FOXN3: variants seen among roughly 807,000 people sequenced by gnomAD.
FOXN3 encodes forkhead box N3, also known as forkhead box protein N3.
Under a neutral mutation model 38.4 loss-of-function variants are expected in FOXN3, and 7 were observed. The ratio of observed to expected loss-of-function variants is 0.18; its 90% CI spans 0.10 to 0.34. The LOEUF (loss-of-function observed/expected upper bound fraction) is 0.34. FOXN3 is among the 10% of genes least tolerant of loss of function. FOXN3 has a pLI of 1.00. For missense variants in FOXN3, 456 were observed against 613.4 expected (o/e 0.74, Z 2.71); for synonymous variants, 230 against 242.2 (o/e 0.95, Z 0.47).
intron 3 of FOXN3, among the ~76,000 whole-genome samples, chr14:89,282,649 T>C (rs1157823665): frequency 1.3e-5 from 2 of 152,212 alleles, no homozygotes; most frequent in Non-Finnish European, 2.9e-5. Flanking sequence ...TCACCTGATT[T>C]ATAAAGATAT....
intron 3 of FOXN3, among the ~76,000 whole-genome samples, chr14:89,289,661 A>G (rs1418100298): frequency 3.9e-5 from 6 of 152,212 alleles, no homozygotes; most frequent in Admixed American, 1.3e-4. Context: ...AAGAACCTGA[A>G]TTTGGTCCTT....
intron 1 of FOXN3, among the ~76,000 whole-genome samples, chr14:89,483,685 G>A (rs1157388276): frequency 6.6e-6 from 1 of 152,208 alleles, no homozygotes; most frequent in Non-Finnish European, 1.5e-5. Context: ...TGGGATTACA[G>A]GCGTGAGCCA....
chr14:89,594,095 A>C (rs1347779281), intron 1 of FOXN3, among the ~76,000 whole-genome samples: 1 of 152,202 alleles, frequency 6.6e-6, no homozygotes, highest in African/African-American at 2.4e-5. Context: ...ACAAGTATGC[A>C]CATTATATTA....
At chr14:89,384,886 T>TA (rs1276389235) in intron 2 of FOXN3, among the ~76,000 whole-genome samples, 1 of 152,364 alleles carries the variant, frequency 6.6e-6, no homozygotes, top group East Asian at 1.9e-4. Context: ...GAACTGGAGC[T>TA]AAGGTTGCTG....
intron 2 of FOXN3, among the ~76,000 whole-genome samples, chr14:89,404,640 T>C (rs1212131710): frequency 6.6e-6 from 1 of 151,160 alleles, no homozygotes; most frequent in Admixed American, 6.6e-5. Context: ...TTCTGGCCCC[T>C]CAGAGACCCT....
intron 2 of FOXN3, among the ~76,000 whole-genome samples, chr14:89,397,097 T>C (rs1891119160): frequency 6.6e-6 from 1 of 152,112 alleles, no homozygotes. Flanking sequence ...TGGAATACTA[T>C]GCAGCCATAA....
chr14:89,591,133 C>T (rs1050230752), intron 1 of FOXN3, among the ~76,000 whole-genome samples: 1 of 152,176 alleles, frequency 6.6e-6, no homozygotes, highest in Non-Finnish European at 1.5e-5. Flanking sequence ...ATAGGAGTGT[C>T]GGCTGTGACC....
chr14:89,233,839 T>C (rs1031152613), intron 4 of FOXN3, among the ~76,000 whole-genome samples: 2 of 152,248 alleles, frequency 1.3e-5, no homozygotes, highest in African/African-American at 4.8e-5. Context: ...TTGGAGTAAA[T>C]GAACTCAAGG....
At chr14:89,301,066 G>A (rs951693885) in intron 3 of FOXN3, among the ~76,000 whole-genome samples, 2 of 152,064 alleles carry the variant, frequency 1.3e-5, no homozygotes, top group African/African-American at 4.8e-5. Context: ...GCCTCACAAA[G>A]TGCTAGGATT....
At chr14:89,259,416 AGCCAAAT>A (rs1278239849) in intron 4 of FOXN3, among the ~76,000 whole-genome samples, 3 of 152,204 alleles carry the variant, frequency 2.0e-5, no homozygotes, top group Non-Finnish European at 4.4e-5. Context: ...GGAAGCTCAG[AGCCAAAT>A]TCATGACTGA....
At chr14:89,166,396 AC>A (rs1478233875) in intron 5 of FOXN3, among the ~76,000 whole-genome samples, 3 of 152,156 alleles carry the variant, frequency 2.0e-5, no homozygotes, top group Non-Finnish European at 4.4e-5. Context: ...AGTTTCCGGT[AC>A]CACCTAGAAT....
At position 89,571,971 on chromosome 14, in the gene FOXN3, A is replaced by T. The variant is rs941337572; in HGVS notation, c.-15+47057T>A. 1.6e-4 allele frequency among the ~76,000 whole-genome samples: 25 copies of T among 152,238 alleles called. 2 individuals carry two copies. The highest frequency in any genetic ancestry group is 1.5e-5 in the Non-Finnish European group (1 of 68,046). ...CAATTCTTCATTTTTATAGATGAAG[A>T]AATAAATGCTCAGAGATGTTCAGAG... On this transcript the variant is annotated intron_variant, in intron 1 of 6. Coordinates refer to the FOXN3 transcript ENST00000345097.
intron 1 of FOXN3, among the ~76,000 whole-genome samples, chr14:89,460,730 T>TA (rs1457019368): frequency 1.3e-5 from 2 of 152,086 alleles, no homozygotes; most frequent in Non-Finnish European, 2.9e-5. Context: ...ATGTCTTTGG[T>TA]AAAATAAATG....
chr14:89,179,823 T>A (rs1424389661), intron 5 of FOXN3, among the ~76,000 whole-genome samples: 1 of 152,064 alleles, frequency 6.6e-6, no homozygotes, highest in Admixed American at 6.6e-5. Context: ...GCCTTACATA[T>A]GAGGGTGAGG....
At chr14:89,538,828 T>C (rs1033974682) in intron 1 of FOXN3, among the ~76,000 whole-genome samples, 4 of 151,832 alleles carry the variant, frequency 2.6e-5, no homozygotes, top group African/African-American at 9.7e-5. Context: ...CTTTTATTAT[T>C]ATTATTTATT....
intron 1 of FOXN3, among the ~76,000 whole-genome samples, chr14:89,596,550 G>C (rs958928543): frequency 2.0e-5 from 3 of 152,182 alleles, no homozygotes; most frequent in Admixed American, 2.0e-4. Context: ...CTTGAAACCA[G>C]CTGGGAGTAT....
intron 4 of FOXN3, among the ~76,000 whole-genome samples, chr14:89,260,059 C>T (rs552178899): frequency 3.9e-5 from 6 of 152,318 alleles, no homozygotes; most frequent in African/African-American, 7.2e-5. Flanking sequence ...TCTGCAGCCT[C>T]GTGTCGGGCA....
chr14:89,467,458 C>T (rs1004661120), intron 1 of FOXN3, among the ~76,000 whole-genome samples: 5 of 151,310 alleles, frequency 3.3e-5, no homozygotes, highest in East Asian at 1.9e-4. Flanking sequence ...TTTTAAATGC[C>T]GAAAAATTAA....
At chr14:89,426,202 A>C (rs1596268159) in intron 1 of FOXN3, among the ~76,000 whole-genome samples, 1 of 142,800 alleles carries the variant, frequency 7.0e-6, no homozygotes, top group Non-Finnish European at 1.5e-5. Context: ...CCACAAAAGC[A>C]CCAGGAGTAC....
Sources: allele counts gnomAD v4.1 joint callset (sites outside exome capture counted in the v4.1 genomes callset), GRCh38; gene constraint gnomAD v4.1.1; transcripts MANE v1.5; gene names NCBI Gene and HGNC (gene_info 2026-07-23, HGNC 2026-07-21).